RNF169: variants seen among roughly 807,000 people sequenced by gnomAD.
The protein encoded by RNF169 is ring finger protein 169, also known as E3 ubiquitin-protein ligase RNF169.
A neutral mutation model predicts 53.9 loss-of-function variants in RNF169; 24 were observed. The observed-to-expected ratio is 0.45, with a 90% CI of 0.32 to 0.63. RNF169 has a LOEUF of 0.63. Ranked by LOEUF, RNF169 falls within the 20% of genes least tolerant of loss-of-function variation. RNF169 has a pLI of 0.04. For missense variants in RNF169, 883 were observed against 906.2 expected (o/e 0.97, Z 0.33); for synonymous variants, 396 against 363.5 (o/e 1.09, Z -1.02).
intron 2 of RNF169, among the ~76,000 whole-genome samples, chr11:74,799,292 A>T (rs2035696355): frequency 6.6e-6 from 1 of 152,106 alleles, no homozygotes; most frequent in South Asian, 2.1e-4. Context: ...AGAATGTTTA[A>T]ATTTTAACTA....
chr11:74,767,919 C>T (rs1168870866), intron 1 of RNF169, among the ~76,000 whole-genome samples: 2 of 152,094 alleles, frequency 1.3e-5, no homozygotes, highest in African/African-American at 4.8e-5. Flanking sequence ...TTCAGGATAT[C>T]CCCCTGCCTT....
At chr11:74,817,563 T>C (rs2035954938) in intron 3 of RNF169, 33 bp from the exon 4 acceptor site, 2 of 1,375,804 alleles carry the variant, frequency 1.5e-6, no homozygotes, top group Admixed American at 1.7e-5. Context: ...GAACTCCAAA[T>C]GGACAGTGTT....
chr11:74,789,883 G>T lies in RNF169; in HGVS notation c.576+184G>T, dbSNP rs377697041. On this transcript the variant is annotated intron_variant, in intron 2 of 5. Coordinates refer to ENST00000299563, the MANE Select transcript of RNF169 (RefSeq NM_001098638.2). ...GGCAGCAGAGCAAACCTTAACCCAAGATTCCCTTTTTAGTTGTCTTTTCAA... is the reference window on the plus strand; with the variant it reads ...GGCAGCAGAGCAAACCTTAACCCAATATTCCCTTTTTAGTTGTCTTTTCAA... Among the ~76,000 whole-genome samples the T allele has an allele frequency of 3.9e-5, 6 of 152,322 alleles. No homozygotes were observed. In the East Asian group the frequency reaches 1.2e-3, roughly 29 times the overall value.
intron 1 of RNF169, among the ~76,000 whole-genome samples, chr11:74,771,396 T>C (rs1235361879): frequency 6.6e-6 from 1 of 152,232 alleles, no homozygotes; most frequent in African/African-American, 2.4e-5. Context: ...CTTTGTTTTA[T>C]GCACAAAACT....
rs1181157499 is a variant in RNF169 at position 74,789,499 on chromosome 11, CTT to C, written c.503-126_503-125del. The C allele has an allele frequency of 1.4e-5, 8 of 585,554 alleles. No homozygotes were observed. In the East Asian group the frequency reaches 2.2e-4, roughly 16 times the overall value. 36.3% of individuals were successfully genotyped at this position (585,554 alleles called of 1,614,324 possible). Reference sequence around the variant, plus strand: ...TCTACCTTTTTGATAGTATTTAAGACTTAGCGTTTATTCTGTTCTTAGCTTTG... The same window carrying C: ...TCTACCTTTTTGATAGTATTTAAGACAGCGTTTATTCTGTTCTTAGCTTTG... On this transcript the variant is annotated intron_variant, in intron 1 of 5. Coordinates refer to ENST00000299563, the MANE Select transcript of RNF169 (RefSeq NM_001098638.2).
chr11:74,809,564 T>C (rs1007270113), intron 2 of RNF169, among the ~76,000 whole-genome samples: 1 of 152,238 alleles, frequency 6.6e-6, no homozygotes, highest in Non-Finnish European at 1.5e-5. Context: ...CTCATGCCTG[T>C]AATCCAGCAC....
At position 74,789,715 on chromosome 11, in the gene RNF169, G is replaced by C; in HGVS notation, c.576+16G>C. 1 of 1,495,138 alleles carries C rather than the reference G, an allele frequency of 6.7e-7. No homozygotes were observed. Among genetic ancestry groups the C allele is most frequent in the Non-Finnish European group, 9.3e-7 (1 of 1,078,708 alleles). 92.6% of individuals were successfully genotyped at this position (1,495,138 alleles called of 1,614,324 possible). On this transcript the variant is annotated intron_variant, in intron 2 of 5. Coordinates refer to ENST00000299563, the MANE Select transcript of RNF169 (RefSeq NM_001098638.2). ...CTTGAGAAAGGTATAGTATTATCAT[G>C]TCATTCATTTTCTTAAAGTAGATTG...
chr11:74,802,125 G>A (rs550467460), intron 2 of RNF169, among the ~76,000 whole-genome samples: 1 of 152,270 alleles, frequency 6.6e-6, no homozygotes, highest in South Asian at 2.1e-4. Context: ...CATTTAACCA[G>A]TTGAGATAAG....
intron 1 of RNF169, among the ~76,000 whole-genome samples, chr11:74,771,351 A>G (rs2035257299): frequency 2.0e-5 from 3 of 152,336 alleles, no homozygotes; most frequent in South Asian, 4.1e-4. Flanking sequence ...TGACATGACA[A>G]GTGGAAAATT....
At chr11:74,796,493 G>A (rs924237635) in intron 2 of RNF169, among the ~76,000 whole-genome samples, 1 of 152,154 alleles carries the variant, frequency 6.6e-6, no homozygotes, top group Admixed American at 6.5e-5. Context: ...TCTAAAAAAT[G>A]TTATTTATTG....
At chr11:74,830,518 A>G (rs1047407052) in intron 4 of RNF169, 2 of 149,334 alleles carry the variant, frequency 1.3e-5, no homozygotes, top group Non-Finnish European at 3.0e-5. Flanking sequence ...GAATTGACCT[A>G]TATCAAGTAA....
chr11:74,780,709 G>A (rs1002747588), intron 1 of RNF169, among the ~76,000 whole-genome samples: 6 of 152,148 alleles, frequency 3.9e-5, no homozygotes, highest in Non-Finnish European at 8.8e-5. Flanking sequence ...GAAGCAGATT[G>A]TAGCAGACAA....
chr11:74,774,517 C>T (rs927449822), intron 1 of RNF169, among the ~76,000 whole-genome samples: 1 of 152,112 alleles, frequency 6.6e-6, no homozygotes, highest in Non-Finnish European at 1.5e-5. Context: ...TCAACTTACC[C>T]ATTGAACTCT....
At chr11:74,828,562 A>C (rs2036131921) in intron 4 of RNF169, among the ~76,000 whole-genome samples, 1 of 152,236 alleles carries the variant, frequency 6.6e-6, no homozygotes, top group Non-Finnish European at 1.5e-5. Flanking sequence ...AAAAGAAAAA[A>C]GCTGGAGACA....
At chr11:74,806,416 CTG>C (rs1377088678) in intron 2 of RNF169, among the ~76,000 whole-genome samples, 4 of 152,322 alleles carry the variant, frequency 2.6e-5, no homozygotes, top group African/African-American at 4.8e-5. Flanking sequence ...GTTTGGAAAA[CTG>C]TGGCTGCGTA....
Position 74,834,702 on chromosome 11 carries a change from G to A in RNF169, c.869G>A (p.Ser290Asn). The change falls in exon 5 of 6, where the codon AGT becomes AAT. Residue 290 changes from serine (S) to asparagine (N), a missense_variant. This residue lies in a region of RNF169 where 219 missense variants were observed against 289.1 expected (regional missense o/e 0.76). Coordinates refer to ENST00000299563, the MANE Select transcript of RNF169 (RefSeq NM_001098638.2). Reference sequence around the variant, plus strand: ...AAGCTAAACTCCAAGGTGGAAAGGAGTCAGAGCTGTAGTGACACAGCCCAG... The same window carrying A: ...AAGCTAAACTCCAAGGTGGAAAGGAATCAGAGCTGTAGTGACACAGCCCAG... ...AGKLNSKVERSQSCSDTAQER... is the reference protein window; with the variant it reads ...AGKLNSKVERNQSCSDTAQER... 6.2e-7 allele frequency: 1 copy of A among 1,613,168 alleles called. No individual in the cohort carries two copies. Among genetic ancestry groups the A allele is most frequent in the Non-Finnish European group, 8.5e-7 (1 of 1,179,722 alleles).
chr11:74,818,785 C>T (rs1223138906), intron 4 of RNF169, among the ~76,000 whole-genome samples: 1 of 151,926 alleles, frequency 6.6e-6, no homozygotes, highest in East Asian at 1.9e-4. Context: ...TTCCTTTCCA[C>T]CAGTATTATT....
At chr11:74,814,902 T>G (rs1177378135) in intron 3 of RNF169, among the ~76,000 whole-genome samples, 1 of 152,232 alleles carries the variant, frequency 6.6e-6, no homozygotes, top group Admixed American at 6.5e-5. Context: ...GTGTTCTTTT[T>G]AACATTTTTG....
chr11:74,811,173 C>T (rs2035870313), intron 3 of RNF169, among the ~76,000 whole-genome samples: 2 of 152,094 alleles, frequency 1.3e-5, no homozygotes, highest in African/African-American at 4.8e-5. Context: ...ACCTCTTATA[C>T]AGGTCCCAGC....
Sources: allele counts gnomAD v4.1 joint callset (sites outside exome capture counted in the v4.1 genomes callset), GRCh38; gene constraint gnomAD v4.1.1; regional missense constraint gnomAD v4.1.1; transcripts MANE v1.5; gene names NCBI Gene and HGNC (gene_info 2026-07-23, HGNC 2026-07-21).